Variants in NFYC observed in about 807,000 individuals in gnomAD.
NFYC encodes the protein nuclear transcription factor Y subunit gamma.
NFYC carries 25 observed loss-of-function variants against 53.1 expected under a neutral mutation model. That is an observed-to-expected ratio of 0.47 (90% CI 0.34 to 0.66). NFYC has a LOEUF of 0.66. NFYC is among the 30% of genes least tolerant of loss of function. NFYC has a pLI of 0.01. For synonymous variants in NFYC, 145 were observed against 152.6 expected, an observed-to-expected ratio of 0.95 and a Z score of 0.37; for missense variants, 260 against 422.7, an observed-to-expected ratio of 0.62 and a Z score of 3.38.
At chr1:40,697,205 A>G (rs929619188) in intron 1 of NFYC, among the ~76,000 whole-genome samples, 1 of 152,206 alleles carries the variant, frequency 6.6e-6, no homozygotes, top group African/African-American at 2.4e-5. Flanking sequence ...AGTGGACCTT[A>G]ATAAGTGGGA....
intron 1 of NFYC, among the ~76,000 whole-genome samples, chr1:40,703,753 ATAGTT>A (rs965115852): frequency 1.3e-5 from 2 of 152,212 alleles, no homozygotes; most frequent in Non-Finnish European, 2.9e-5. Flanking sequence ...ATGTTAAAAA[ATAGTT>A]ATGTGTACCT....
At chr1:40,719,174 T>G (rs1474678053) in intron 1 of NFYC, among the ~76,000 whole-genome samples, 2 of 152,226 alleles carry the variant, frequency 1.3e-5, no homozygotes, top group Non-Finnish European at 2.9e-5. Flanking sequence ...TGGCCCATGG[T>G]GTTCTTAAAT....
At position 40,771,328 on chromosome 1, in the gene NFYC, G is replaced by T; in HGVS notation, c.*500G>T. The T allele has an allele frequency of 2.5e-6, 1 of 404,888 alleles. No homozygotes were observed. Among genetic ancestry groups the T allele is most frequent in the Non-Finnish European group, 5.1e-6 (1 of 195,190 alleles). The allele number at this position is 404,888 out of a possible 1,614,324, so 25.1% of individuals were successfully genotyped here. ...TGTGTGTAGCTGCTTTTTCACTCGT[G>T]GTCCTCTCCCCATCCCTTGCTCTGA... On this transcript the variant is annotated 3_prime_UTR_variant, in exon 10 of 10. Coordinates refer to ENST00000447388, the MANE Select transcript of NFYC (RefSeq NM_014223.5).
intron 5 of NFYC, among the ~76,000 whole-genome samples, chr1:40,757,675 G>A (rs1218494264): frequency 6.6e-6 from 1 of 152,192 alleles, no homozygotes; most frequent in African/African-American, 2.4e-5. Context: ...GAAGTGGTGG[G>A]GCTAAAACGA....
intron 1 of NFYC, among the ~76,000 whole-genome samples, chr1:40,730,048 CAG>C (rs1644695450): frequency 6.6e-6 from 1 of 152,026 alleles, no homozygotes. Context: ...GAGTTAGAGA[CAG>C]AGTTTTGTTC....
intron 1 of NFYC, among the ~76,000 whole-genome samples, chr1:40,693,558 G>C (rs917468336): frequency 4.6e-5 from 7 of 152,288 alleles, no homozygotes; most frequent in Middle Eastern, 6.8e-3. Context: ...AAGTAGCAGA[G>C]GAAGAGAATT....
intron 1 of NFYC, chr1:40,712,824 A>G (rs1053994761): frequency 1.3e-5 from 2 of 151,830 alleles, no homozygotes; most frequent in African/African-American, 4.8e-5. Flanking sequence ...GACTACAGGC[A>G]TGTGCCACCG....
Position 40,762,945 on chromosome 1 carries a change from C to A in NFYC, c.619C>A (p.Gln207Lys), listed in dbSNP as rs1646625703. The A allele has an allele frequency of 1.2e-6, 2 of 1,611,450 alleles. No individual in the cohort carries two copies. The highest frequency in any genetic ancestry group is 1.1e-5 in the South Asian group (1 of 90,806). Reference sequence around the variant, plus strand: ...TCAGCAGGTGCAGATTGTCCAGGCTCAGCCACAGGGTCAAGCCCAACAGGC... The same window carrying A: ...TCAGCAGGTGCAGATTGTCCAGGCTAAGCCACAGGGTCAAGCCCAACAGGC... ...EGQQVQIVQA[Q>K]PQGQAQQAQS... The change falls in exon 7 of 10, where the codon CAG becomes AAG. Residue 207 changes from glutamine to lysine, a missense_variant. Physicochemically the swap from Gln to Lys is moderately conservative, Grantham distance 53. Coordinates refer to ENST00000447388, the MANE Select transcript of NFYC (RefSeq NM_014223.5).
intron 5 of NFYC, among the ~76,000 whole-genome samples, chr1:40,755,704 G>A (rs1646177108): frequency 6.6e-6 from 1 of 152,118 alleles, no homozygotes. Flanking sequence ...AGTGATTTGA[G>A]AACAGTTGTG....
intron 6 of NFYC, 25 bp downstream of exon 6, chr1:40,758,319 A>G: frequency 6.3e-7 from 1 of 1,587,476 alleles, no homozygotes; most frequent in Non-Finnish European, 8.6e-7. Flanking sequence ...GAGGATGCCC[A>G]TCCAGCAAGA....
intron 1 of NFYC, among the ~76,000 whole-genome samples, chr1:40,692,747 A>T (rs529560912): frequency 2.6e-5 from 4 of 152,172 alleles, no homozygotes; most frequent in African/African-American, 7.2e-5. Context: ...GAGGAATGCT[A>T]TTGAGAAGTG....
intron 4 of NFYC, among the ~76,000 whole-genome samples, chr1:40,750,139 C>CT (rs1645833728): frequency 6.6e-6 from 1 of 151,924 alleles, no homozygotes; most frequent in African/African-American, 2.4e-5. Flanking sequence ...GAGTCCTTTT[C>CT]TTTTTCTTCT....
At chr1:40,756,440 G>C (rs1222344139) in intron 5 of NFYC, among the ~76,000 whole-genome samples, 2 of 152,184 alleles carry the variant, frequency 1.3e-5, no homozygotes, top group East Asian at 3.8e-4. Flanking sequence ...TATTAACTTA[G>C]AAACCCAGAA....
At chr1:40,749,933 T>C (rs1005761559) in intron 4 of NFYC, among the ~76,000 whole-genome samples, 6 of 152,190 alleles carry the variant, frequency 3.9e-5, no homozygotes, top group Non-Finnish European at 8.8e-5. Context: ...ATCAATTCTC[T>C]CCTGGTTTTC....
At chr1:40,692,031 C>G (rs1642832022) in intron 1 of NFYC, 164 bp downstream of exon 1, 2 of 195,892 alleles carry the variant, frequency 1.0e-5, no homozygotes, top group African/African-American at 2.4e-5. Context: ...GCCTGGCCCG[C>G]TGCTGTCGCC....
At chr1:40,767,938 T>C (rs1372565823) in intron 8 of NFYC, among the ~76,000 whole-genome samples, 1 of 152,098 alleles carries the variant, frequency 6.6e-6, no homozygotes, top group Non-Finnish European at 1.5e-5. Context: ...ATTGTGCCAC[T>C]GCACTCCAGC....
intron 1 of NFYC, among the ~76,000 whole-genome samples, chr1:40,727,733 A>G (rs967904723): frequency 2.0e-4 from 31 of 151,492 alleles, no homozygotes; most frequent in African/African-American, 7.3e-4. Context: ...GGGTTTCACC[A>G]TGTTGGCCCG....
At chr1:40,746,418 A>G (rs1357090129) in intron 2 of NFYC, among the ~76,000 whole-genome samples, 1 of 152,154 alleles carries the variant, frequency 6.6e-6, no homozygotes, top group Non-Finnish European at 1.5e-5. Flanking sequence ...CCTTTTTTTG[A>G]CATATATTTG....
rs1297114729 is a variant in NFYC, at chr1:40,691,735, C to G, written c.-141C>G. 1 of 455,322 alleles carries G rather than the reference C, an allele frequency of 2.2e-6. No individual in the cohort carries two copies. The highest frequency in any genetic ancestry group is 1.6e-5 in the South Asian group (1 of 64,420). 28.2% of individuals were successfully genotyped at this position (455,322 alleles called of 1,614,324 possible). On this transcript the variant is annotated 5_prime_UTR_variant, in exon 1 of 10. Coordinates refer to ENST00000447388, the MANE Select transcript of NFYC (RefSeq NM_014223.5). The stretch of plus-strand genomic sequence containing the variant: ...GGCGTGGCCGCCATCTTGCTTGTGC[C>G]CCCGCTTCGCGCGCGCTCCGTTCTC...
Sources: gnomAD v4.1 joint callset for allele counts (sites outside exome capture counted in the v4.1 genomes callset) on GRCh38, gnomAD v4.1.1 for gene constraint, MANE v1.5 for transcripts, NCBI Gene and HGNC (gene_info 2026-07-23, HGNC 2026-07-21) for gene names.